Variants in ATP6V0A4 observed in about 807,000 individuals in gnomAD.
ATP6V0A4 encodes ATPase H+ transporting V0 subunit a4.
A neutral mutation model predicts 107.3 loss-of-function variants in ATP6V0A4; 86 were observed. The observed-to-expected ratio is 0.80, with a 90% CI of 0.67 to 0.96. The LOEUF is 0.96. Ranked by LOEUF, ATP6V0A4 falls within the 40% of genes least tolerant of loss-of-function variation. The pLI is 0.00. For missense variants in ATP6V0A4, 908 were observed against 1,045.6 expected, an observed-to-expected ratio of 0.87 and a Z score of 1.81; for synonymous variants, 353 against 381.4, an observed-to-expected ratio of 0.93 and a Z score of 0.87.
At chr7:138,776,331 G>A (rs1807657026) in intron 2 of ATP6V0A4, among the ~76,000 whole-genome samples, 1 of 152,210 alleles carries the variant, frequency 6.6e-6, no homozygotes, top group Non-Finnish European at 1.5e-5. Context: ...TCTGTACCCT[G>A]GAGGAAAGGA....
chr7:138,791,121 C>G (rs1808392157), intron 1 of ATP6V0A4, among the ~76,000 whole-genome samples: 1 of 151,450 alleles, frequency 6.6e-6, no homozygotes, highest in Non-Finnish European at 1.5e-5. Flanking sequence ...AGATGAAAAA[C>G]AGGACTGAAT....
intron 19 of ATP6V0A4, among the ~76,000 whole-genome samples, chr7:138,720,137 G>C (rs1804358973): frequency 6.6e-6 from 1 of 152,178 alleles, no homozygotes; most frequent in Non-Finnish European, 1.5e-5. Context: ...CTTGCCTGAA[G>C]TGAGGGTGGC....
rs573381495 is a variant in ATP6V0A4, at chr7:138,792,775, T to G, written c.-121+5259A>C. Among the ~76,000 whole-genome samples, 176 of 35,058 alleles carry G rather than the reference T, an allele frequency of 5.0e-3. 5 individuals carry two copies. The highest frequency in any genetic ancestry group is 7.7e-3 in the South Asian group (7 of 908). 23.0% of individuals were successfully genotyped at this position (35,058 alleles called of 152,430 possible). ...CACCAAACTCAGGTTTGTTTTTTTT[T>G]TTGTTGTTTTGTTTTTTTTTTTGTA... On this transcript the variant is annotated intron_variant, in intron 1 of 21. Coordinates refer to ENST00000310018, the MANE Select transcript of ATP6V0A4 (RefSeq NM_020632.3).
At chr7:138,743,108 C>A (rs952734715) in intron 14 of ATP6V0A4, among the ~76,000 whole-genome samples, 1 of 152,044 alleles carries the variant, frequency 6.6e-6, no homozygotes, top group African/African-American at 2.4e-5. Flanking sequence ...TCTCTTGGAG[C>A]CTCTCTGTGC....
At chr7:138,794,590 C>A (rs961022070) in intron 1 of ATP6V0A4, among the ~76,000 whole-genome samples, 2 of 152,128 alleles carry the variant, frequency 1.3e-5, no homozygotes, top group Non-Finnish European at 2.9e-5. Flanking sequence ...CACCATGGTG[C>A]CTAGCCACAG....
chr7:138,747,393 G>A (rs1806002763), intron 13 of ATP6V0A4, 32 bp downstream of exon 13: 1 of 1,606,014 alleles, frequency 6.2e-7, no homozygotes, highest in Admixed American at 1.7e-5. Context: ...TTCTGAAAAT[G>A]AATCAGGGCA....
At chr7:138,768,719 T>A in intron 5 of ATP6V0A4, 61 bp downstream of exon 5, 3 of 1,594,910 alleles carry the variant, frequency 1.9e-6, no homozygotes, top group Non-Finnish European at 2.6e-6. Context: ...CTCAGGGCCT[T>A]CAAGGAGACA....
At chr7:138,759,609 A>T in intron 8 of ATP6V0A4, 143 bp downstream of exon 8, 1 of 911,650 alleles carries the variant, frequency 1.1e-6, no homozygotes, top group Non-Finnish European at 1.7e-6. Context: ...ACAAAGTAAA[A>T]GGGAAGGAAA....
intron 2 of ATP6V0A4, among the ~76,000 whole-genome samples, chr7:138,772,237 G>A (rs1807430830): frequency 6.6e-6 from 1 of 152,142 alleles, no homozygotes; most frequent in Non-Finnish European, 1.5e-5. Context: ...GATGTCCACT[G>A]CTATTTATCC....
intron 17 of ATP6V0A4, among the ~76,000 whole-genome samples, chr7:138,730,931 C>CTTCTTCTTCTTCTT (rs1554392929): frequency 8.1e-6 from 1 of 123,758 alleles, no homozygotes; most frequent in African/African-American, 3.1e-5. Flanking sequence ...TCTTCTTCTT[C>CTTCTTCTTCTTCTT]TTTTTTTATT....
At chr7:138,775,136 AG>A (rs1462517255) in intron 2 of ATP6V0A4, among the ~76,000 whole-genome samples, 4 of 146,142 alleles carry the variant, frequency 2.7e-5, no homozygotes, top group Non-Finnish European at 4.5e-5. Context: ...AGAATGAGTG[AG>A]GGGGGTGCTT....
At position 138,734,268 on chromosome 7, in the gene ATP6V0A4, G is replaced by T; in HGVS notation, c.1573-14C>A. 1.2e-6 allele frequency: 2 copies of T among 1,612,752 alleles called. No homozygotes were observed. The highest frequency in any genetic ancestry group is 1.7e-6 in the Non-Finnish European group (2 of 1,179,220). On this transcript the variant is annotated splice_polypyrimidine_tract_variant and intron_variant, in intron 15 of 21. Transcript: ENST00000310018. ...CAAGTTCCAAATCTGGATGGGAAATGGGACAAAAAACCAAGTGAGAGAGAG... is the reference window on the plus strand; with the variant it reads ...CAAGTTCCAAATCTGGATGGGAAATTGGACAAAAAACCAAGTGAGAGAGAG...
At position 138,711,709 on chromosome 7, in the gene ATP6V0A4, G is replaced by GAA. The variant is rs1453311961; in HGVS notation, c.2258-1916_2258-1915dup. ...AGACCCGTACCTGAGATTTACAGTA[G>GAA]AAACTCCAGTGCTTAGCATTCGTGT... On this transcript the variant is annotated intron_variant, in intron 20 of 21. Transcript: ENST00000310018. Among the ~76,000 whole-genome samples the GAA allele has an allele frequency of 3.9e-5, 6 of 152,212 alleles. No individual in the cohort carries two copies. In the East Asian group the frequency reaches 1.2e-3, roughly 29 times the overall value.
At chr7:138,763,384 T>G (rs1806926823) in intron 5 of ATP6V0A4, among the ~76,000 whole-genome samples, 1 of 152,132 alleles carries the variant, frequency 6.6e-6, no homozygotes, top group Non-Finnish European at 1.5e-5. Flanking sequence ...TCCCAGCACT[T>G]TGGGAGGCCG....
chr7:138,794,443 T>A (rs554280578), intron 1 of ATP6V0A4, among the ~76,000 whole-genome samples: 1 of 152,312 alleles, frequency 6.6e-6, no homozygotes, highest in Admixed American at 6.5e-5. Context: ...CTGCAGGTTT[T>A]CCATCTTTTA....
rs779796596 is a variant in ATP6V0A4 at position 138,709,635 on chromosome 7, C to T, written c.2418G>A (p.Leu806=). The T allele has an allele frequency of 1.2e-6, 2 of 1,612,776 alleles. No individual in the cohort carries two copies. The highest frequency in any genetic ancestry group is 4.5e-5 in the East Asian group (2 of 44,788). ...ACAACCATCCTTACCAGTGCAGTCG[C>T]AGGGCGTGCAGGAAAGCAGAGAGGC... ...MEGLSAFLHA[L]RLHWVEFQNK... The change falls in exon 21 of 22, where the codon CTG becomes CTA. Residue 806 remains leucine, a synonymous_variant. Transcript: ENST00000310018.
At chr7:138,796,764 T>A (rs1380529727) in intron 1 of ATP6V0A4, among the ~76,000 whole-genome samples, 1 of 116,610 alleles carries the variant, frequency 8.6e-6, no homozygotes. Flanking sequence ...TTGCATCAAA[T>A]TTCTTTCTTC....
intron 15 of ATP6V0A4, among the ~76,000 whole-genome samples, chr7:138,739,243 A>C (rs966415595): frequency 6.6e-6 from 1 of 152,162 alleles, no homozygotes; most frequent in South Asian, 2.1e-4. Context: ...TAATATGCAT[A>C]CTCCCCAGGC....
At chr7:138,771,632 A>G (rs1011453547) in intron 2 of ATP6V0A4, among the ~76,000 whole-genome samples, 2 of 151,776 alleles carry the variant, frequency 1.3e-5, no homozygotes, top group African/African-American at 4.8e-5. Flanking sequence ...ATTATACTTT[A>G]TTTTTGAGAC....
Sources: gnomAD v4.1 joint callset for allele counts (sites outside exome capture counted in the v4.1 genomes callset) on GRCh38, gnomAD v4.1.1 for gene constraint, MANE v1.5 for transcripts, NCBI Gene and HGNC (gene_info 2026-07-23, HGNC 2026-07-21) for gene names.